The following SLC35F6 variants were observed in gnomAD, a reference collection of about 807,000 sequenced individuals.
SLC35F6 encodes solute carrier family 35 member F6, also known as ANT2-binding protein.
A neutral mutation model predicts 29.4 loss-of-function variants in SLC35F6; 26 were observed. That is an observed-to-expected ratio of 0.89 (90% CI 0.65 to 1.23). SLC35F6 has a LOEUF of 1.23. Among genes scored for constraint, SLC35F6 ranks in the 50% most tolerant of loss-of-function variants. The probability of loss-of-function intolerance (pLI) is 0.00; values close to 1 mark genes in which losing one functional copy is unlikely to be tolerated. For synonymous variants in SLC35F6, 174 were observed against 206.6 expected (o/e 0.84, Z 1.35); for missense variants, 428 against 487.8 (o/e 0.88, Z 1.15).
chr2:26,774,926 A>T, intron 2 of SLC35F6, 118 bp from the exon 3 acceptor site: 2 of 1,214,144 alleles, frequency 1.6e-6, no homozygotes, highest in Non-Finnish European at 2.2e-6. Flanking sequence ...TGTCTATTTT[A>T]CATATTGGGG....
chr2:26,774,398 G>A, intron 2 of SLC35F6, 75 bp downstream of exon 2: 2 of 1,545,408 alleles, frequency 1.3e-6, no homozygotes, highest in Admixed American at 1.8e-5. Context: ...ATGAGGCCAG[G>A]CTGTTTCCTG....
intron 1 of SLC35F6, among the ~76,000 whole-genome samples, chr2:26,768,620 G>A (rs1030060735): frequency 6.7e-6 from 1 of 149,530 alleles, no homozygotes; most frequent in Non-Finnish European, 1.5e-5. Context: ...GCCTCCCAAA[G>A]TGCTGGGATT....
At chr2:26,769,524 T>C (rs1664157115) in intron 1 of SLC35F6, among the ~76,000 whole-genome samples, 1 of 152,254 alleles carries the variant, frequency 6.6e-6, no homozygotes, top group Admixed American at 6.5e-5. Flanking sequence ...GCTTCCAGTG[T>C]ACTGGCCCTG....
chr2:26,777,114 G>A (rs933809029), intron 5 of SLC35F6, among the ~76,000 whole-genome samples: 3 of 152,216 alleles, frequency 2.0e-5, no homozygotes, highest in Non-Finnish European at 4.4e-5. Context: ...CAGGAGAATC[G>A]CCTGAACTGG....
rs1205608757 is a variant in SLC35F6, at chr2:26,779,013, T to G, written c.*502T>G. 1 of 152,428 alleles carries G rather than the reference T, an allele frequency of 6.6e-6. No homozygotes were observed. Among genetic ancestry groups the G allele is most frequent in the African/African-American group, 2.4e-5 (1 of 41,140 alleles). The allele number at this position is 152,428 out of a possible 1,614,324, so 9.4% of individuals were successfully genotyped here. On this transcript the variant is annotated 3_prime_UTR_variant, in exon 6 of 6. Transcript: ENST00000344420. Reference sequence around the variant, plus strand: ...AGTGCAGTGGCACGATCTCGGCGGCTCACTACAACCTCTGCCTCCCAGGTT... The same window carrying G: ...AGTGCAGTGGCACGATCTCGGCGGCGCACTACAACCTCTGCCTCCCAGGTT...
chr2:26,775,403 C>T lies in SLC35F6; in HGVS notation c.323-61C>T. ...CTTGGCATGTCTATCACCAAAGACCCCTTAGTGACAGATGGCCTTCGCCTT... is the reference window on the plus strand; with the variant it reads ...CTTGGCATGTCTATCACCAAAGACCTCTTAGTGACAGATGGCCTTCGCCTT... On this transcript the variant is annotated intron_variant, in intron 3 of 5. Coordinates refer to ENST00000344420, the MANE Select transcript of SLC35F6 (RefSeq NM_017877.4). The surrounding 1 kb of genome is among the most constrained non-coding windows in gnomAD (Gnocchi z 4.6). The T allele has an allele frequency of 2.5e-6, 4 of 1,579,222 alleles. No homozygotes were observed. The highest frequency in any genetic ancestry group is 1.2e-5 in the South Asian group (1 of 85,578).
intron 1 of SLC35F6, among the ~76,000 whole-genome samples, chr2:26,773,638 G>T (rs1259243237): frequency 2.0e-5 from 3 of 148,546 alleles, no homozygotes; most frequent in African/African-American, 7.5e-5. Flanking sequence ...TCTGAGACAG[G>T]ATCTTGCTCC....
chr2:26,773,109 C>T (rs887113850), intron 1 of SLC35F6, among the ~76,000 whole-genome samples: 1 of 152,120 alleles, frequency 6.6e-6, no homozygotes, highest in Non-Finnish European at 1.5e-5. Context: ...TCCTGTAGAC[C>T]AGAGGTTCTT....
At chr2:26,774,428 T>TC (rs1319299389) in intron 2 of SLC35F6, 105 bp downstream of exon 2, 65 of 1,267,448 alleles carry the variant, frequency 5.1e-5, no homozygotes, top group Non-Finnish European at 6.2e-5. Flanking sequence ...TGGAGGTGTC[T>TC]CCTGCTCCCA....
intron 1 of SLC35F6, among the ~76,000 whole-genome samples, chr2:26,766,545 C>T (rs868615986): frequency 1.3e-5 from 2 of 152,076 alleles, no homozygotes; most frequent in African/African-American, 4.8e-5. Flanking sequence ...TTGCAATGAG[C>T]CAAGATTGCA....
chr2:26,777,762 G>T (rs1316065509), intron 5 of SLC35F6, among the ~76,000 whole-genome samples: 1 of 151,940 alleles, frequency 6.6e-6, no homozygotes, highest in East Asian at 1.9e-4. Flanking sequence ...GTGTGTGTGT[G>T]TCCATGAACC....
intron 1 of SLC35F6, among the ~76,000 whole-genome samples, chr2:26,769,581 C>G (rs1027727845): frequency 1.4e-4 from 22 of 152,258 alleles, no homozygotes; most frequent in African/African-American, 5.1e-4. Context: ...TCTCTGGCCC[C>G]TGGGTTCCTG....
chr2:26,776,994 A>G (rs971935791), intron 5 of SLC35F6, among the ~76,000 whole-genome samples: 1 of 152,210 alleles, frequency 6.6e-6, no homozygotes, highest in African/African-American at 2.4e-5. Flanking sequence ...TGAGGTCAGG[A>G]GTTTGAAACC....
At chr2:26,772,728 C>A (rs572835683) in intron 1 of SLC35F6, among the ~76,000 whole-genome samples, 1 of 152,270 alleles carries the variant, frequency 6.6e-6, no homozygotes, top group East Asian at 1.9e-4. Flanking sequence ...GTCAACAAGT[C>A]CCCAGGTACC....
rs1664383312 is a variant in SLC35F6, at chr2:26,780,196, C to T, written c.*1685C>T. The T allele has an allele frequency of 1.3e-5, 2 of 152,106 alleles. No individual in the cohort carries two copies. The highest frequency in any genetic ancestry group is 4.1e-4 in the South Asian group (2 of 4,824). 9.4% of individuals were successfully genotyped at this position (152,106 alleles called of 1,614,324 possible). On this transcript the variant is annotated 3_prime_UTR_variant, in exon 6 of 6. Coordinates refer to ENST00000344420, the MANE Select transcript of SLC35F6 (RefSeq NM_017877.4). Reference sequence around the variant, plus strand: ...GAAGAGATTACAGGGAAATTCCAGGCAGCCCTTGTCAATTGTTTTTATGAA... The same window carrying T: ...GAAGAGATTACAGGGAAATTCCAGGTAGCCCTTGTCAATTGTTTTTATGAA...
At position 26,765,022 on chromosome 2, in the gene SLC35F6, A is replaced by G. The variant is rs1664072444; in HGVS notation, c.77+596A>G. ...AGGTTAGATTTTCTCTCATAATCAGAAAAGTGCTTTTGAGCTGGGGAATGA... is the reference window on the plus strand; with the variant it reads ...AGGTTAGATTTTCTCTCATAATCAGGAAAGTGCTTTTGAGCTGGGGAATGA... On this transcript the variant is annotated intron_variant, in intron 1 of 5. Coordinates refer to ENST00000344420, the MANE Select transcript of SLC35F6 (RefSeq NM_017877.4). 3 of 984,900 alleles carry G rather than the reference A, an allele frequency of 3.0e-6. No homozygotes were observed. In the South Asian group the frequency reaches 1.4e-4, roughly 46 times the overall value. 61.0% of individuals were successfully genotyped at this position (984,900 alleles called of 1,614,324 possible).
Position 26,775,108 on chromosome 2 carries a change from C to T in SLC35F6, c.215C>T (p.Ala72Val). 2 of 1,614,142 alleles carry T rather than the reference C, an allele frequency of 1.2e-6. No individual in the cohort carries two copies. The highest frequency in any genetic ancestry group is 1.7e-6 in the Non-Finnish European group (2 of 1,180,016). Residue 72 changes from alanine to valine, a missense_variant, in exon 3 of 6, where the codon GCT becomes GTT. Ala to Val is a moderately conservative substitution (Grantham distance 64, BLOSUM62 0). Coordinates refer to ENST00000344420, the MANE Select transcript of SLC35F6 (RefSeq NM_017877.4). The surrounding 1 kb of genome is among the most constrained non-coding windows in gnomAD (Gnocchi z 4.6). ...GCCTTCTACCTCCTCCGATGCAGAG[C>T]TGCAGGGCAATCAGACTCCAGCGTA... Reference protein sequence around the residue: ...LAAFYLLRCRAAGQSDSSVDP... With the variant: ...LAAFYLLRCRVAGQSDSSVDP...
chr2:26,764,834 T>C (rs1342887422), intron 1 of SLC35F6: 8 of 985,224 alleles, frequency 8.1e-6, no homozygotes, highest in African/African-American at 1.7e-5. Flanking sequence ...CGTGGAGGCC[T>C]CAAGCGGCAG....
chr2:26,775,677 G>C lies in SLC35F6; in HGVS notation c.535+1G>C. The C allele has an allele frequency of 6.4e-7, 1 of 1,567,700 alleles. No individual in the cohort carries two copies. The highest frequency in any genetic ancestry group is 8.6e-7 in the Non-Finnish European group (1 of 1,160,160). The stretch of plus-strand genomic sequence containing the variant: ...CACAAGCTCAGCGAAGTGATCACAG[G>C]TGCGGCCAGGGGCAGGGACACGGGG... On this transcript the variant is annotated splice_donor_variant, in intron 4 of 5. Transcript: ENST00000344420. LOFTEE classifies it high-confidence loss of function. This position sits in a 1 kb window ranked among gnomAD's most constrained non-coding sequence, Gnocchi z 4.6.
Sources: gnomAD v4.1 joint callset for allele counts (sites outside exome capture counted in the v4.1 genomes callset) on GRCh38, gnomAD v4.1.1 for gene constraint, Gnocchi (gnomAD v3.1) non-coding constraint, MANE v1.5 for transcripts, NCBI Gene and HGNC (gene_info 2026-07-23, HGNC 2026-07-21) for gene names.